WDPCP: variants seen among roughly 807,000 people sequenced by gnomAD.
WDPCP encodes the protein WD repeat containing planar cell polarity effector, also known as WD repeat-containing and planar cell polarity effector protein fritz homolog.
A neutral mutation model predicts 93.1 loss-of-function variants in WDPCP; 71 were observed. The ratio of observed to expected loss-of-function variants is 0.76; its 90% CI spans 0.63 to 0.93. The LOEUF (loss-of-function observed/expected upper bound fraction) is 0.93. WDPCP is among the 40% of genes least tolerant of loss of function. The pLI, the probability that WDPCP is intolerant of heterozygous loss-of-function variation, is 0.00. For missense variants in WDPCP, 844 were observed against 887.4 expected (o/e 0.95, Z 0.62); for synonymous variants, 315 against 315.0 (o/e 1.00, Z 0.00).
the WDPCP span, among the ~76,000 whole-genome samples, chr2:63,838,755 A>G: frequency 6.6e-6 from 1 of 152,340 alleles, no homozygotes; most frequent in Middle Eastern, 3.4e-3. Context: ...ACTGAAATAT[A>G]TAAAGGGAAA....
At chr2:63,607,124 G>A in intron 3 of WDPCP, 1 of 772,428 alleles carries the variant, frequency 1.3e-6, no homozygotes. Context: ...GTGCTTCTTG[G>A]TACAGGTTTG....
At chr2:63,235,522 A>G (rs1263402129) in intron 14 of WDPCP, among the ~76,000 whole-genome samples, 1 of 152,134 alleles carries the variant, frequency 6.6e-6, no homozygotes, top group Non-Finnish European at 1.5e-5. Context: ...CCTTGATACC[A>G]ACACCTGGCA....
chr2:63,831,752 C>T (rs1415584917), upstream of WDPCP, among the ~76,000 whole-genome samples: 1 of 151,652 alleles, frequency 6.6e-6, no homozygotes, highest in East Asian at 1.9e-4. Flanking sequence ...TATTTTTTAA[C>T]ATCAAAACCA....
intron 2 of WDPCP, among the ~76,000 whole-genome samples, chr2:63,784,822 G>A: frequency 6.6e-6 from 1 of 152,070 alleles, no homozygotes; most frequent in East Asian, 1.9e-4. Context: ...ACTATATGAG[G>A]AACCAATGTT....
intron 2 of WDPCP, among the ~76,000 whole-genome samples, chr2:63,706,370 G>C (rs1294522202): frequency 1.3e-5 from 2 of 152,100 alleles, no homozygotes; most frequent in Non-Finnish European, 2.9e-5. Flanking sequence ...CTCATTAGTT[G>C]ATGCAGTTTC....
intron 3 of WDPCP, among the ~76,000 whole-genome samples, chr2:63,627,001 A>G (rs1386455646): frequency 6.6e-6 from 1 of 151,990 alleles, no homozygotes; most frequent in Non-Finnish European, 1.5e-5. Flanking sequence ...CCAAGAGAAT[A>G]AAATATATAA....
intron 9 of WDPCP, among the ~76,000 whole-genome samples, chr2:63,410,772 C>T (rs1694965187): frequency 6.6e-6 from 1 of 152,116 alleles, no homozygotes; most frequent in South Asian, 2.1e-4. Context: ...AACTTTAAAG[C>T]AACAGCAGTT....
At chr2:63,666,642 T>C (rs146711025) in intron 2 of WDPCP, among the ~76,000 whole-genome samples, 1,781 of 152,358 alleles carry the variant, frequency 0.012, 14 homozygotes, top group Non-Finnish European at 0.014. Flanking sequence ...TGTGACCACC[T>C]GGCTGCCAGG....
chr2:63,593,084 GT>G (rs536253095), upstream of WDPCP: 450 of 152,070 alleles, frequency 3.0e-3, 4 homozygotes, highest in African/African-American at 0.01. Flanking sequence ...GACACTTTTT[GT>G]TTTTTTTGTT....
At chr2:63,622,064 T>C in intron 3 of WDPCP, 1 of 929,930 alleles carries the variant, frequency 1.1e-6, no homozygotes, top group Non-Finnish European at 1.4e-6. Flanking sequence ...TCTTTCTTTT[T>C]TCTTTTTTTT....
chr2:63,478,247 C>T (rs1028793885), intron 6 of WDPCP, among the ~76,000 whole-genome samples: 3 of 152,120 alleles, frequency 2.0e-5, no homozygotes, highest in Admixed American at 6.6e-5. Context: ...TAGCAAGGGA[C>T]TTCAATACTC....
intron 2 of WDPCP, among the ~76,000 whole-genome samples, chr2:63,695,534 C>G (rs1259759931): frequency 1.3e-5 from 2 of 152,144 alleles, no homozygotes; most frequent in Non-Finnish European, 2.9e-5. Flanking sequence ...AACTGTCTGT[C>G]TTGTATTTTT....
At chr2:63,365,091 A>T (rs140002964) in intron 12 of WDPCP, among the ~76,000 whole-genome samples, 213 of 152,340 alleles carry the variant, frequency 1.4e-3, no homozygotes, top group African/African-American at 4.5e-3. Flanking sequence ...CAGTCAAAGT[A>T]AAGGTCCCGG....
At chr2:63,628,898 G>A (rs569418814) in intron 3 of WDPCP, among the ~76,000 whole-genome samples, 71 of 152,312 alleles carry the variant, frequency 4.7e-4, no homozygotes, top group Admixed American at 7.2e-4. Context: ...GGGCTTCACA[G>A]TTACCTAGTC....
Position 63,313,868 on chromosome 2 carries a change from A to ATGTGTGTGTGTG in WDPCP, c.1749-558_1749-557insCACACACACACA, listed in dbSNP as rs1308369877. Among the ~76,000 whole-genome samples, 9 of 7,262 alleles carry ATGTGTGTGTGTG rather than the reference A, an allele frequency of 1.2e-3. No individual in the cohort carries two copies. The East Asian group carries it at 0.21, about 166-fold the overall frequency. The allele number at this position is 7,262 out of a possible 152,430, so 4.8% of individuals were successfully genotyped here. On this transcript the variant is annotated intron_variant, in intron 12 of 17. Transcript: ENST00000272321. ...ATTATTCATACATATATATATATATATATATATATATATATATATTTTTTT... is the reference window on the plus strand; with the variant it reads ...ATTATTCATACATATATATATATATATGTGTGTGTGTGTATATATATATATATATATTTTTTT...
chr2:63,421,013 G>A (rs989562380), intron 9 of WDPCP, among the ~76,000 whole-genome samples: 5 of 152,046 alleles, frequency 3.3e-5, no homozygotes, highest in African/African-American at 1.2e-4. Context: ...ATTACCTATT[G>A]CTAAACTGCT....
chr2:63,305,814 T>C lies in WDPCP; in HGVS notation c.1812+7434A>G, dbSNP rs190043034. On this transcript the variant is annotated intron_variant, in intron 13 of 17. Transcript: ENST00000272321. ...GGAAGCTAAGAACCTTGAAAAAAAGTTAGAGGAATTGCTAACTAGAATAAC... is the reference window on the plus strand; with the variant it reads ...GGAAGCTAAGAACCTTGAAAAAAAGCTAGAGGAATTGCTAACTAGAATAAC... 2.8e-5 allele frequency among the ~76,000 whole-genome samples: 4 copies of C among 144,390 alleles called. No individual in the cohort carries two copies. In the East Asian group the frequency reaches 8.2e-4, roughly 30 times the overall value. 94.7% of individuals were successfully genotyped at this position (144,390 alleles called of 152,430 possible).
intron 2 of WDPCP, among the ~76,000 whole-genome samples, chr2:63,763,273 G>A (rs1045602683): frequency 1.5e-4 from 23 of 152,110 alleles, no homozygotes; most frequent in Admixed American, 1.5e-3. Context: ...GGAGGCTGAG[G>A]AGGGTGGATC....
chr2:63,670,588 AAGGGTGAGTGTGTATAG>A (rs909145712), intron 2 of WDPCP, among the ~76,000 whole-genome samples: 8 of 152,190 alleles, frequency 5.3e-5, no homozygotes, highest in African/African-American at 1.9e-4. Context: ...GTGAGTGCCC[AAGGGTGAGTGTGTATAG>A]AGGTAAAGTG....
Sources: gnomAD v4.1 joint callset for allele counts (sites outside exome capture counted in the v4.1 genomes callset) on GRCh38, gnomAD v4.1.1 for gene constraint, MANE v1.5 for transcripts, NCBI Gene and HGNC (gene_info 2026-07-23, HGNC 2026-07-21) for gene names.